PDE4B: variants seen among roughly 807,000 people sequenced by gnomAD.
PDE4B encodes 3',5'-cyclic-AMP phosphodiesterase 4B.
PDE4B carries 20 observed loss-of-function variants against 82.2 expected under a neutral mutation model. The observed-to-expected ratio is 0.24, with a 90% CI of 0.17 to 0.35. PDE4B has a LOEUF of 0.35. Among genes scored for constraint, PDE4B ranks in the 10% least tolerant of loss-of-function variants. The probability of loss-of-function intolerance (pLI) is 1.00; values close to 1 mark genes in which losing one functional copy is unlikely to be tolerated. For missense variants in PDE4B, 655 were observed against 907.2 expected (o/e 0.72, Z 3.57); for synonymous variants, 320 against 318.9 (o/e 1.00, Z -0.04).
intron 8 of PDE4B, among the ~76,000 whole-genome samples, chr1:66,333,877 AG>A (rs111897961): frequency 5.3e-4 from 80 of 152,140 alleles, no homozygotes; most frequent in East Asian, 2.5e-3. Context: ...TTAAGTTGGA[AG>A]GGAAAAAAAA....
At position 66,013,680 on chromosome 1, in the gene PDE4B, A is replaced by T. The variant is rs575047228; in HGVS notation, c.281+94845A>T. Among the ~76,000 whole-genome samples the T allele has an allele frequency of 8.1e-4, 122 of 151,486 alleles. 1 individual carries two copies. The highest frequency in any genetic ancestry group is 2.6e-3 in the African/African-American group (109 of 41,364). ...AGCTCTCAGAAACCACCACTTTTTAAAAAAAAAATAACTCATCCACCTATG... is the reference window on the plus strand; with the variant it reads ...AGCTCTCAGAAACCACCACTTTTTATAAAAAAAATAACTCATCCACCTATG... On this transcript the variant is annotated intron_variant, in intron 3 of 16. Transcript: ENST00000341517.
intron 6 of PDE4B, among the ~76,000 whole-genome samples, chr1:66,264,637 T>C (rs1206364368): frequency 5.3e-5 from 8 of 152,156 alleles, no homozygotes; most frequent in African/African-American, 1.9e-4. Context: ...AGTAAATTAA[T>C]GGTAGATGTG....
At chr1:65,957,297 T>C (rs751297363) in intron 3 of PDE4B, among the ~76,000 whole-genome samples, 1 of 152,132 alleles carries the variant, frequency 6.6e-6, no homozygotes, top group Non-Finnish European at 1.5e-5. Flanking sequence ...TCTTTTCCTA[T>C]ATTTTCTCTA....
chr1:66,239,305 G>T (rs1396772289), intron 3 of PDE4B, among the ~76,000 whole-genome samples: 1 of 152,098 alleles, frequency 6.6e-6, no homozygotes, highest in Non-Finnish European at 1.5e-5. Context: ...TCAATGCAAA[G>T]CCACCCCCCT....
intron 3 of PDE4B, among the ~76,000 whole-genome samples, chr1:65,968,633 T>A (rs189871937): frequency 1.3e-5 from 2 of 152,298 alleles, no homozygotes; most frequent in East Asian, 3.9e-4. Context: ...ACTCCTAAAT[T>A]GCATTTCCTT....
intron 3 of PDE4B, among the ~76,000 whole-genome samples, chr1:66,211,524 T>C (rs1207540742): frequency 1.3e-5 from 2 of 152,232 alleles, no homozygotes; most frequent in African/African-American, 2.4e-5. Flanking sequence ...GCAAATTAAA[T>C]AATAATGCTG....
intron 1 of PDE4B, among the ~76,000 whole-genome samples, chr1:65,813,061 G>A (rs1286337039): frequency 6.6e-6 from 1 of 152,182 alleles, no homozygotes. Context: ...TTGGGAACAG[G>A]CAGAGAGTTA....
chr1:66,105,000 A>G (rs1043299871), intron 3 of PDE4B, among the ~76,000 whole-genome samples: 29 of 152,072 alleles, frequency 1.9e-4, no homozygotes, highest in African/African-American at 6.8e-4. Flanking sequence ...TGTTTTAGAC[A>G]TGAAGTCCTT....
intron 3 of PDE4B, among the ~76,000 whole-genome samples, chr1:66,108,963 A>G (rs893669732): frequency 4.6e-5 from 7 of 151,916 alleles, no homozygotes; most frequent in African/African-American, 7.2e-5. Flanking sequence ...TTCCCACACC[A>G]TTGCCCTCAT....
intron 3 of PDE4B, among the ~76,000 whole-genome samples, chr1:66,084,939 T>C (rs1254500797): frequency 6.6e-6 from 1 of 152,104 alleles, no homozygotes; most frequent in Non-Finnish European, 1.5e-5. Flanking sequence ...GTCACATGCA[T>C]AGAGTTAGGG....
At chr1:65,873,065 C>A (rs535664811) in intron 1 of PDE4B, among the ~76,000 whole-genome samples, 1 of 152,170 alleles carries the variant, frequency 6.6e-6, no homozygotes, top group African/African-American at 2.4e-5. Flanking sequence ...CCTGCTTTTC[C>A]AGAGCTCATA....
rs1459492609 is a variant in PDE4B at position 66,129,665 on chromosome 1, A to C, written c.282-117795A>C. Among the ~76,000 whole-genome samples, 321 of 94,712 alleles carry C rather than the reference A, an allele frequency of 3.4e-3. 2 individuals are homozygous for C. Among genetic ancestry groups the C allele is most frequent in the Non-Finnish European group, 4.8e-3 (238 of 49,398 alleles). 62.1% of individuals were successfully genotyped at this position (94,712 alleles called of 152,430 possible). A position where few individuals can be genotyped will look rare whatever the true frequency, so the allele number is the denominator to read the frequency against. On this transcript the variant is annotated intron_variant, in intron 3 of 16. Coordinates refer to ENST00000341517, the MANE Select transcript of PDE4B (RefSeq NM_002600.4). ...ACAGAGCGAGACTCCGTCTCAAAAA[A>C]AAAAAAACAAAAAAACAAAAAAACA...
intron 3 of PDE4B, among the ~76,000 whole-genome samples, chr1:66,126,411 C>T (rs1466002196): frequency 1.3e-5 from 2 of 151,986 alleles, no homozygotes; most frequent in African/African-American, 4.8e-5. Context: ...CTCTATGTAC[C>T]CCCCTACACA....
At chr1:65,825,706 C>CTATCTA (rs1553188292) in intron 1 of PDE4B, among the ~76,000 whole-genome samples, 115 of 16,810 alleles carry the variant, frequency 6.8e-3, no homozygotes, top group African/African-American at 0.028. Context: ...ACAAAATTAC[C>CTATCTA]TATCTATCTA....
chr1:65,980,728 A>G (rs1650641478), intron 3 of PDE4B, among the ~76,000 whole-genome samples: 1 of 152,190 alleles, frequency 6.6e-6, no homozygotes, highest in African/African-American at 2.4e-5. Flanking sequence ...CTGAACCCAG[A>G]AATGATGCTA....
At chr1:66,108,532 T>G (rs1645419048) in intron 3 of PDE4B, among the ~76,000 whole-genome samples, 1 of 151,942 alleles carries the variant, frequency 6.6e-6, no homozygotes, top group African/African-American at 2.4e-5. Context: ...GGAGAAAATA[T>G]TTGCAAACCA....
Position 65,823,399 on chromosome 1 carries a change from A to T in PDE4B, c.-71+30151A>T, listed in dbSNP as rs1359960169. The stretch of plus-strand genomic sequence containing the variant: ...CGACAGAGTGAGACTCCATCTCTAA[A>T]AAAAAAAAAAAAAAAAAAAAAAAAT... On this transcript the variant is annotated intron_variant, in intron 1 of 16. Transcript: ENST00000341517. Among the ~76,000 whole-genome samples, 5 of 147,116 alleles carry T rather than the reference A, an allele frequency of 3.4e-5. 1 individual carries two copies. Among genetic ancestry groups the T allele is most frequent in the African/African-American group, 1.3e-4 (5 of 39,924 alleles).
intron 3 of PDE4B, among the ~76,000 whole-genome samples, chr1:65,992,247 T>C (rs1413857482): frequency 6.6e-6 from 1 of 152,204 alleles, no homozygotes; most frequent in Admixed American, 6.6e-5. Flanking sequence ...TTTACTGTGA[T>C]GAAGACAGTT....
chr1:66,293,216 C>A (rs1295347597), intron 7 of PDE4B, among the ~76,000 whole-genome samples: 1 of 152,082 alleles, frequency 6.6e-6, no homozygotes, highest in South Asian at 2.1e-4. Context: ...GTTTTTACAC[C>A]GCTTGCTTGG....
Sources: gnomAD v4.1 joint callset for allele counts (sites outside exome capture counted in the v4.1 genomes callset) on GRCh38, gnomAD v4.1.1 for gene constraint, MANE v1.5 for transcripts, NCBI Gene and HGNC (gene_info 2026-07-23, HGNC 2026-07-21) for gene names.